PANK2: variants seen among roughly 807,000 people sequenced by gnomAD.
PANK2 encodes pantothenate kinase 2, mitochondrial.
In PANK2, 36 loss-of-function variants were observed where a neutral mutation model predicts 43.1. The ratio of observed to expected loss-of-function variants is 0.84; its 90% CI spans 0.64 to 1.10. PANK2 has a LOEUF of 1.10. Among genes scored for constraint, PANK2 ranks in the 50% least tolerant of loss-of-function variants. The probability of loss-of-function intolerance (pLI) is 0.00; values close to 1 mark genes in which losing one functional copy is unlikely to be tolerated. For missense variants in PANK2, 576 were observed against 593.3 expected, an observed-to-expected ratio of 0.97 and a Z score of 0.30; for synonymous variants, 281 against 238.2, an observed-to-expected ratio of 1.18 and a Z score of -1.66.
In PANK2 at chr20:3,889,750, C is replaced by CT. The variant is rs779568013; in HGVS notation, c.298+23dup. The stretch of plus-strand genomic sequence containing the variant: ...CCGCGTAAGTGTTCCGTGGGGCGCC[C>CT]TCCCGGCCCGCCCTGCCCCCCCTTC... On this transcript the variant is annotated intron_variant, in intron 1 of 6. Coordinates refer to ENST00000610179, the MANE Select transcript of PANK2 (RefSeq NM_001386393.1). 15 of 1,584,314 alleles carry CT rather than the reference C, an allele frequency of 9.5e-6. No individual in the cohort carries two copies. In the African/African-American group the frequency reaches 1.7e-4, roughly 18 times the overall value.
rs570489759 is a variant in PANK2, at chr20:3,929,770, T to C, written c.*6476T>C. 11 of 152,390 alleles carry C rather than the reference T, an allele frequency of 7.2e-5. No individual in the cohort carries two copies. The highest frequency in any genetic ancestry group is 5.9e-4 in the Admixed American group (9 of 15,308). The allele number at this position is 152,390 out of a possible 1,614,324, so 9.4% of individuals were successfully genotyped here. A position where few individuals can be genotyped will look rare whatever the true frequency, so the allele number is the denominator to read the frequency against. On this transcript the variant is annotated 3_prime_UTR_variant, in exon 7 of 7. Transcript: ENST00000610179. ...AGATAGAAAGTCAATCAGAAAAATC[T>C]GGTTGTGCTCTTGGATTAGCTGGGC...
chr20:3,890,882 C>T (rs897608575), intron 1 of PANK2, among the ~76,000 whole-genome samples: 7 of 152,170 alleles, frequency 4.6e-5, no homozygotes, highest in Admixed American at 6.5e-5. Flanking sequence ...GTGCCATTTT[C>T]AGAGTCAGTC....
intron 1 of PANK2, among the ~76,000 whole-genome samples, chr20:3,902,059 GC>G (rs1488297170): frequency 2.6e-5 from 4 of 151,816 alleles, no homozygotes; most frequent in Admixed American, 6.6e-5. Flanking sequence ...ACACTGTTCA[GC>G]CCTTAGAGTA....
chr20:3,910,311 T>G (rs1162173242), intron 2 of PANK2, among the ~76,000 whole-genome samples: 3 of 151,904 alleles, frequency 2.0e-5, no homozygotes, highest in African/African-American at 4.8e-5. Context: ...TTTTTTTGTT[T>G]TTTTTGTTTT....
chr20:3,922,950 G>GT (rs1173678662), intron 6 of PANK2, among the ~76,000 whole-genome samples: 2 of 152,184 alleles, frequency 1.3e-5, no homozygotes, highest in Non-Finnish European at 2.9e-5. Context: ...CTTACCAGAG[G>GT]TAACTGAGCT....
Position 3,928,897 on chromosome 20 carries a change from C to CTGGAG in PANK2, c.*5606_*5610dup. 6.6e-6 allele frequency: 1 copy of CTGGAG among 151,350 alleles called. No homozygotes were observed. The highest frequency in any genetic ancestry group is 2.0e-4 in the East Asian group (1 of 5,088). 9.4% of individuals were successfully genotyped at this position (151,350 alleles called of 1,614,324 possible). A position where few individuals can be genotyped will look rare whatever the true frequency, so the allele number is the denominator to read the frequency against. ...ACGGAGTCTCGCTCTGTTGCCCAGG[C>CTGGAG]TGGAGTGCAGTGGGGATCTTGGCTC... On this transcript the variant is annotated 3_prime_UTR_variant, in exon 7 of 7. Coordinates refer to ENST00000610179, the MANE Select transcript of PANK2 (RefSeq NM_001386393.1).
At chr20:3,906,999 G>A (rs1437636869) in intron 1 of PANK2, among the ~76,000 whole-genome samples, 2 of 151,422 alleles carry the variant, frequency 1.3e-5, no homozygotes, top group Non-Finnish European at 1.5e-5. Context: ...GTTTCACCAT[G>A]TTGGCCAGGA....
intron 1 of PANK2, among the ~76,000 whole-genome samples, chr20:3,905,717 C>CT (rs377100642): frequency 0.11 from 15,194 of 132,510 alleles, 1,279 homozygotes; most frequent in Non-Finnish European, 0.18. Flanking sequence ...AACCCACACC[C>CT]TTTTTTTTTT....
At chr20:3,890,719 A>G (rs1381180799) in intron 1 of PANK2, among the ~76,000 whole-genome samples, 1 of 152,180 alleles carries the variant, frequency 6.6e-6, no homozygotes, top group East Asian at 1.9e-4. Flanking sequence ...ATAGTCTTCT[A>G]CCTTAGCCCA....
At chr20:3,923,156 G>C in intron 6 of PANK2, 88 bp from the exon 7 acceptor site, 1 of 1,439,724 alleles carries the variant, frequency 6.9e-7, no homozygotes, top group Non-Finnish European at 9.8e-7. Flanking sequence ...TGTGGGCAGT[G>C]GTTGGCTTTA....
At chr20:3,899,120 T>G (rs2090257440) in intron 1 of PANK2, among the ~76,000 whole-genome samples, 1 of 151,482 alleles carries the variant, frequency 6.6e-6, no homozygotes, top group Admixed American at 6.6e-5. Context: ...GTGATCCACC[T>G]GCCTCGGCCT....
Position 3,916,990 on chromosome 20 carries a change from G to A in PANK2, c.1146G>A (p.Ala382=), listed in dbSNP as rs370204240. 2.5e-6 allele frequency: 4 copies of A among 1,614,032 alleles called. No homozygotes were observed. Among genetic ancestry groups the A allele is most frequent in the South Asian group, 1.1e-5 (1 of 91,078 alleles). ...TCAGTAAAGAGGACCTGGCCAGAGC[G>A]ACTTTGATCACCATCACCAACAACA... The change falls in exon 5 of 7, where the codon GCG becomes GCA. Residue 382 remains alanine (A), a synonymous_variant. Coordinates refer to ENST00000610179, the MANE Select transcript of PANK2 (RefSeq NM_001386393.1).
intron 1 of PANK2, among the ~76,000 whole-genome samples, chr20:3,903,696 C>T (rs949797095): frequency 1.3e-5 from 2 of 149,822 alleles, no homozygotes; most frequent in Non-Finnish European, 3.0e-5. Context: ...GGTGTGATCT[C>T]GGCTCACTGC....
intron 1 of PANK2, among the ~76,000 whole-genome samples, chr20:3,904,503 G>T (rs184512383): frequency 6.6e-6 from 1 of 150,864 alleles, no homozygotes; most frequent in African/African-American, 2.4e-5. Context: ...GGAGTTCAAG[G>T]TTACAGTCAG....
rs117268167 is a variant in PANK2, at chr20:3,929,389, G to A, written c.*6095G>A. On this transcript the variant is annotated 3_prime_UTR_variant, in exon 7 of 7. Coordinates refer to ENST00000610179, the MANE Select transcript of PANK2 (RefSeq NM_001386393.1). ...ACTCCAGTCTGGGTAACAAGACCCT[G>A]TCTCAACAACAACGAAAAGTTGGGA... 695 of 152,476 alleles carry A rather than the reference G, an allele frequency of 4.6e-3. 14 individuals carry two copies. Among genetic ancestry groups the A allele is most frequent in the Admixed American group, 0.029 (450 of 15,308 alleles). The allele number at this position is 152,476 out of a possible 1,614,324, so 9.4% of individuals were successfully genotyped here.
chr20:3,905,833 A>C (rs1600527789), intron 1 of PANK2, among the ~76,000 whole-genome samples: 1 of 148,004 alleles, frequency 6.8e-6, no homozygotes, highest in Non-Finnish European at 1.5e-5. Context: ...CTCCTGCCTC[A>C]GCCTCCTGAG....
At position 3,919,232 on chromosome 20, in the gene PANK2, G is replaced by A. The variant is rs144422994; in HGVS notation, c.1332+436G>A. ...TGAACTTTTTTGGTAGTTTAATTTCGTAACATTTGAAAGCTGTTTCTTCCC... is the reference window on the plus strand; with the variant it reads ...TGAACTTTTTTGGTAGTTTAATTTCATAACATTTGAAAGCTGTTTCTTCCC... On this transcript the variant is annotated intron_variant, in intron 6 of 6. Coordinates refer to ENST00000610179, the MANE Select transcript of PANK2 (RefSeq NM_001386393.1). Among the ~76,000 whole-genome samples the A allele has an allele frequency of 1.5e-3, 224 of 152,162 alleles. 1 individual carries two copies. Among genetic ancestry groups the A allele is most frequent in the African/African-American group, 5.2e-3 (214 of 41,528 alleles).
At chr20:3,903,010 CA>C (rs1389739479) in intron 1 of PANK2, among the ~76,000 whole-genome samples, 6 of 144,138 alleles carry the variant, frequency 4.2e-5, no homozygotes, top group African/African-American at 4.9e-5. Flanking sequence ...CACACACACA[CA>C]CACACACCCC....
chr20:3,888,890 G>C (rs1600472895), upstream of PANK2: 2 of 519,042 alleles, frequency 3.9e-6, no homozygotes, highest in Non-Finnish European at 6.8e-6. Flanking sequence ...ACTAGGCCGA[G>C]GGACAAAGGC....
Sources: allele counts gnomAD v4.1 joint callset (sites outside exome capture counted in the v4.1 genomes callset), GRCh38; gene constraint gnomAD v4.1.1; transcripts MANE v1.5; gene names NCBI Gene and HGNC (gene_info 2026-07-23, HGNC 2026-07-21).